BCL7C: variants seen among roughly 807,000 people sequenced by gnomAD.
BCL7C encodes the protein B-cell CLL/lymphoma 7 protein family member C.
BCL7C carries 8 observed loss-of-function variants against 26.2 expected under a neutral mutation model. That is an observed-to-expected ratio of 0.30 (90% CI 0.18 to 0.55). The LOEUF (loss-of-function observed/expected upper bound fraction) is 0.55. BCL7C is among the 20% of genes least tolerant of loss of function. The pLI, the probability that BCL7C is intolerant of heterozygous loss-of-function variation, is 0.93. For missense variants in BCL7C, 262 were observed against 298.5 expected, an observed-to-expected ratio of 0.88 and a Z score of 0.90; for synonymous variants, 90 against 116.5, an observed-to-expected ratio of 0.77 and a Z score of 1.47.
At chr16:30,888,969 T>TC in intron 4 of BCL7C, 24 bp from the exon 5 acceptor site, 1 of 1,608,424 alleles carries the variant, frequency 6.2e-7, no homozygotes, top group East Asian at 2.2e-5. Flanking sequence ...GTAACAAACA[T>TC]CCCCTGAACA....
intron 5 of BCL7C, among the ~76,000 whole-genome samples, chr16:30,838,363 G>A (rs911189655): frequency 6.6e-6 from 1 of 152,220 alleles, no homozygotes; most frequent in Admixed American, 6.5e-5. Flanking sequence ...TAGGTAGCTA[G>A]GTAGGTAGGT....
chr16:30,845,534 C>T (rs1887323918), intron 5 of BCL7C, among the ~76,000 whole-genome samples: 1 of 152,178 alleles, frequency 6.6e-6, no homozygotes, highest in African/African-American at 2.4e-5. Context: ...CCTGATACCC[C>T]AGAGGGCAGA....
downstream of BCL7C, among the ~76,000 whole-genome samples, chr16:30,885,602 C>T (rs2055120849): frequency 6.6e-6 from 1 of 152,070 alleles, no homozygotes; most frequent in African/African-American, 2.4e-5. Context: ...CGGAGTTTCA[C>T]CTTGTTGGTC....
intron 5 of BCL7C, chr16:30,851,267 G>GTCTC: frequency 3.9e-6 from 1 of 253,336 alleles, no homozygotes. Context: ...TTGAAATGAA[G>GTCTC]TCTCACTCTG....
At chr16:30,873,954 T>TACACACACACACACAC (rs145435913) in intron 5 of BCL7C, among the ~76,000 whole-genome samples, 1,936 of 137,716 alleles carry the variant, frequency 0.014, 65 homozygotes, top group African/African-American at 0.05. Context: ...GATATATGTA[T>TACACACACACACACAC]ACACACACAC....
chr16:30,856,565 C>T (rs983117111), intron 5 of BCL7C, among the ~76,000 whole-genome samples: 11 of 151,984 alleles, frequency 7.2e-5, no homozygotes, highest in Admixed American at 6.6e-5. Flanking sequence ...CTAATTCAGT[C>T]GCATCTGTAT....
chr16:30,854,556 T>G (rs1377736351), intron 5 of BCL7C, among the ~76,000 whole-genome samples: 1 of 152,212 alleles, frequency 6.6e-6, no homozygotes, highest in East Asian at 1.9e-4. Context: ...ATGAAAGTTC[T>G]CTTAGGCATC....
At position 30,893,232 on chromosome 16, in the gene BCL7C, C is replaced by T; in HGVS notation, c.151G>A (p.Val51Met). ...CTCACCTCCTCCTGGGGATCCACCA[C>T]TGGCACCCACTTGAAGATACGAAGG... ...TSLRIFKWVP[V>M]VDPQEEERRR... Residue 51 changes from valine to methionine, a missense_variant, in exon 2 of 6, where the codon GTG becomes ATG. Coordinates refer to ENST00000215115, the MANE Select transcript of BCL7C (RefSeq NM_004765.4). The surrounding 1 kb of genome is among the most constrained non-coding windows in gnomAD (Gnocchi z 5.2). 3.1e-6 allele frequency: 5 copies of T among 1,613,688 alleles called. No individual in the cohort carries two copies. The South Asian group carries it at 5.5e-5, about 18-fold the overall frequency.
At chr16:30,887,711 A>C (rs1038847178), downstream of BCL7C, 40 of 1,277,660 alleles carry the variant, frequency 3.1e-5, no homozygotes, top group Non-Finnish European at 4.0e-5. Flanking sequence ...AGCCTCAGTG[A>C]CCACATCTGA....
rs568045445 is a variant in BCL7C at position 30,835,066 on chromosome 16, C to T, written c.611G>A (p.Arg204Lys). 1.0e-5 allele frequency: 16 copies of T among 1,548,214 alleles called. No individual in the cohort carries two copies. In the East Asian group the frequency reaches 3.4e-4, roughly 33 times the overall value. The change falls in exon 6 of 6, where the codon AGG becomes AAG. Residue 204 changes from arginine to lysine, a missense_variant. Arg to Lys is a conservative substitution (Grantham distance 26). Coordinates refer to the BCL7C transcript ENST00000380317. ...GGGCCGGACATTTGTCCGGAGGCCC[C>T]TCCTGGGCAGGAGCCTCCTGAGGGG...
chr16:30,852,187 C>T, intron 5 of BCL7C: 1 of 156,378 alleles, frequency 6.4e-6, no homozygotes, highest in Non-Finnish European at 1.4e-5. Flanking sequence ...CACCACTGTA[C>T]TATATGTTCA....
At chr16:30,861,038 A>C (rs184331801) in intron 5 of BCL7C, among the ~76,000 whole-genome samples, 299 of 152,246 alleles carry the variant, frequency 2.0e-3, no homozygotes, top group African/African-American at 6.8e-3. Flanking sequence ...CTGAAGGTAG[A>C]GTCAAGGTTA....
At chr16:30,863,522 A>G (rs1247872694) in intron 5 of BCL7C, among the ~76,000 whole-genome samples, 1 of 152,160 alleles carries the variant, frequency 6.6e-6, no homozygotes, top group African/African-American at 2.4e-5. Context: ...GGAGTCAATC[A>G]CTGCAAGGGC....
Position 30,893,112 on chromosome 16 carries a change from C to A in BCL7C, c.171+100G>T. On this transcript the variant is annotated intron_variant, in intron 2 of 5. Transcript: ENST00000215115. The surrounding 1 kb of genome is among the most constrained non-coding windows in gnomAD (Gnocchi z 5.2). ...ATGATGGTTCCCGTCTGTCCTGCTGCATCTGAGGTCTCGGGGAGCTGGAGG... is the reference window on the plus strand; with the variant it reads ...ATGATGGTTCCCGTCTGTCCTGCTGAATCTGAGGTCTCGGGGAGCTGGAGG... 7.5e-7 allele frequency: 1 copy of A among 1,330,708 alleles called. No homozygotes were observed. Among genetic ancestry groups the A allele is most frequent in the Non-Finnish European group, 1.1e-6 (1 of 947,454 alleles). 82.4% of individuals were successfully genotyped at this position (1,330,708 alleles called of 1,614,324 possible).
chr16:30,887,338 TAAATA>T (rs1255392803), downstream of BCL7C, among the ~76,000 whole-genome samples: 1 of 150,988 alleles, frequency 6.6e-6, no homozygotes, highest in African/African-American at 2.4e-5. Flanking sequence ...AATAAATAAA[TAAATA>T]AAATTAGCTG....
intron 5 of BCL7C, among the ~76,000 whole-genome samples, chr16:30,881,426 A>AC (rs1567320786): frequency 2.6e-4 from 38 of 145,018 alleles, no homozygotes; most frequent in South Asian, 7.0e-4. Flanking sequence ...ACACACACAC[A>AC]ACAAAAAATT....
At chr16:30,844,001 C>A (rs1401550725) in intron 5 of BCL7C, among the ~76,000 whole-genome samples, 2 of 143,118 alleles carry the variant, frequency 1.4e-5, no homozygotes, top group African/African-American at 2.6e-5. Flanking sequence ...GAGATCGCAC[C>A]ATTGCACTCC....
At chr16:30,880,464 C>A (rs1182927466) in intron 5 of BCL7C, among the ~76,000 whole-genome samples, 1 of 150,616 alleles carries the variant, frequency 6.6e-6, no homozygotes, top group Non-Finnish European at 1.5e-5. Context: ...CTTTGGGAGG[C>A]TGAGGTGAGC....
rs1197735097 is a variant in BCL7C at position 30,881,825 on chromosome 16, CTCGCCCCCGCTTAAAA to C, written c.528+7019_528+7034del. Among the ~76,000 whole-genome samples the C allele has an allele frequency of 3.3e-5, 5 of 152,190 alleles. No individual in the cohort carries two copies. The East Asian group carries it at 9.6e-4, about 29-fold the overall frequency. ...GCCTTTGCCTCAGTGAGGCCCCTGCCTCGCCCCCGCTTAAAATCACACCCTGCTCTCTCCCCATCTC... is the reference window on the plus strand; with the variant it reads ...GCCTTTGCCTCAGTGAGGCCCCTGCCTCACACCCTGCTCTCTCCCCATCTC... On this transcript the variant is annotated intron_variant, in intron 5 of 5. Transcript: ENST00000380317.
Sources: gnomAD v4.1 joint callset for allele counts (sites outside exome capture counted in the v4.1 genomes callset) on GRCh38, gnomAD v4.1.1 for gene constraint, Gnocchi (gnomAD v3.1) non-coding constraint, MANE v1.5 for transcripts, NCBI Gene and HGNC (gene_info 2026-07-23, HGNC 2026-07-21) for gene names.